SLC7A2: variants seen among roughly 807,000 people sequenced by gnomAD.
SLC7A2 encodes solute carrier family 7 member 2.
In SLC7A2, 48 loss-of-function variants were observed where a neutral mutation model predicts 58.9. That is an observed-to-expected ratio of 0.82 (90% CI 0.65 to 1.04). The LOEUF (loss-of-function observed/expected upper bound fraction) is 1.04. SLC7A2 is among the 50% of genes least tolerant of loss of function. The probability of loss-of-function intolerance (pLI) is 0.00; values close to 1 mark genes in which losing one functional copy is unlikely to be tolerated. For synonymous variants in SLC7A2, 363 were observed against 314.5 expected (o/e 1.15, Z -1.63); for missense variants, 1,029 against 818.8 (o/e 1.26, Z -3.13).
At chr8:17,554,366 G>A (rs1802588221) in intron 7 of SLC7A2, among the ~76,000 whole-genome samples, 194 bp from the exon 8 acceptor site, 1 of 151,598 alleles carries the variant, frequency 6.6e-6, no homozygotes, top group Non-Finnish European at 1.5e-5. Context: ...ATAGCACAAT[G>A]GTAAATATTA....
chr8:17,552,517 CCAAT>C, intron 7 of SLC7A2, among the ~76,000 whole-genome samples: 1 of 151,306 alleles, frequency 6.6e-6, no homozygotes. Context: ...CTTCTTAGCA[CCAAT>C]CAGAGTGAAG....
upstream of SLC7A2, among the ~76,000 whole-genome samples, chr8:17,496,805 G>A (rs1252332221): frequency 1.3e-5 from 2 of 152,146 alleles, no homozygotes; most frequent in African/African-American, 2.4e-5. Flanking sequence ...GGTCCTCCCA[G>A]GAGAGCACGA....
chr8:17,517,801 C>G (rs960964720), intron 2 of SLC7A2, among the ~76,000 whole-genome samples: 1 of 151,958 alleles, frequency 6.6e-6, no homozygotes. Context: ...TTCAAATTTT[C>G]TTTCATCAGC....
chr8:17,544,987 A>G, intron 4 of SLC7A2, among the ~76,000 whole-genome samples: 1 of 152,216 alleles, frequency 6.6e-6, no homozygotes, highest in East Asian at 1.9e-4. Context: ...TGCAATTTCT[A>G]GAAGAATTTC....
intron 8 of SLC7A2, among the ~76,000 whole-genome samples, chr8:17,556,289 T>C (rs114687494): frequency 0.03 from 4,497 of 152,304 alleles, 134 homozygotes; most frequent in South Asian, 0.14. Context: ...AAATTTTCTC[T>C]TTCCGGTAAA....
rs760888772 is a variant in SLC7A2, at chr8:17,565,198, AGTAAACC to A, written c.*57_*63del. 2 of 1,405,732 alleles carry A rather than the reference AGTAAACC, an allele frequency of 1.4e-6. No homozygotes were observed. The highest frequency in any genetic ancestry group is 2.9e-5 in the African/African-American group (2 of 69,852). The allele number at this position is 1,405,732 out of a possible 1,614,324, so 87.1% of individuals were successfully genotyped here. ...GTCTTAGCATACATATCCTACACTG[AGTAAACC>A]GTAACGGGATGTCATCAGCATGCTG... On this transcript the variant is annotated 3_prime_UTR_variant, in exon 13 of 13. Coordinates refer to ENST00000494857, the MANE Select transcript of SLC7A2 (RefSeq NM_001370338.1).
intron 3 of SLC7A2, among the ~76,000 whole-genome samples, chr8:17,543,950 C>T (rs1802043121): frequency 1.3e-5 from 2 of 152,200 alleles, no homozygotes; most frequent in Non-Finnish European, 2.9e-5. Flanking sequence ...CTCGCTGCAA[C>T]CTCTGCCTCC....
Position 17,544,472 on chromosome 8 carries a change from C to T in SLC7A2, c.398C>T (p.Ala133Val), listed in dbSNP as rs753579975. ...GAAGGTACATCAAGTGTTGCAAGAG[C>T]CTGGAGTGGCACCTTTGATGAACTT... is the stretch of plus-strand genomic sequence containing the variant. ...YVIGTSSVARAWSGTFDELLS... is the reference protein window; with the variant it reads ...YVIGTSSVARVWSGTFDELLS... The change falls in exon 4 of 13, where the codon GCC (alanine) becomes GTC (valine). Residue 133 changes from alanine (A) to valine (V), a missense_variant. Ala to Val is a moderately conservative substitution (Grantham distance 64). Coordinates refer to ENST00000494857, the MANE Select transcript of SLC7A2 (RefSeq NM_001370338.1). 1.9e-6 allele frequency: 3 copies of T among 1,613,836 alleles called. No individual in the cohort carries two copies. Among genetic ancestry groups the T allele is most frequent in the Non-Finnish European group, 2.5e-6 (3 of 1,179,922 alleles).
intron 7 of SLC7A2, among the ~76,000 whole-genome samples, chr8:17,553,601 T>C (rs926720759): frequency 1.3e-5 from 2 of 152,078 alleles, no homozygotes; most frequent in Non-Finnish European, 2.9e-5. Context: ...CAAGGCTCGG[T>C]CTCCACAAAA....
At chr8:17,538,833 A>G (rs1398557769) in intron 2 of SLC7A2, 2 of 1,613,626 alleles carry the variant, frequency 1.2e-6, no homozygotes, top group South Asian at 1.1e-5. Flanking sequence ...GAATGAAGAT[A>G]GAAACAAGTG....
chr8:17,565,143 C>G lies in SLC7A2; in HGVS notation c.1974C>G (p.Phe658Leu). 1.2e-6 allele frequency: 2 copies of G among 1,609,560 alleles called. No homozygotes were observed. The highest frequency in any genetic ancestry group is 1.7e-6 in the Non-Finnish European group (2 of 1,176,794). Reference sequence around the variant, plus strand: ...TATTCCATGAAAAGACAAGTGAATTCTAACACTTGCAGGAGCAGAGCTGGT... The same window carrying G: ...TATTCCATGAAAAGACAAGTGAATTGTAACACTTGCAGGAGCAGAGCTGGT... ...PFIFHEKTSE[F>L] Residue 658 changes from phenylalanine (F) to leucine (L), a missense_variant, in exon 13 of 13, where the codon TTC becomes TTG. Transcript: ENST00000494857.
chr8:17,502,903 G>A (rs1800220428), intron 2 of SLC7A2, among the ~76,000 whole-genome samples: 1 of 152,008 alleles, frequency 6.6e-6, no homozygotes, highest in East Asian at 1.9e-4. Flanking sequence ...GGTGCTGGGT[G>A]CATGTTCATT....
rs138576266 is a variant in SLC7A2, at chr8:17,540,249, T to C, written c.-22-3069T>C. Among the ~76,000 whole-genome samples the C allele has an allele frequency of 1.7e-3, 253 of 152,306 alleles. 2 individuals carry two copies. The highest frequency in any genetic ancestry group is 5.8e-3 in the African/African-American group (243 of 41,562). On this transcript the variant is annotated intron_variant, in intron 2 of 12. Transcript: ENST00000494857. ...ATAGTCCTACAAAATTAGTTCTGCA[T>C]TGTGGCTTTTGCAATCCGTATTTTA... is the stretch of plus-strand genomic sequence containing the variant.
chr8:17,548,246 T>A (rs1206831390), intron 4 of SLC7A2, among the ~76,000 whole-genome samples: 1 of 151,944 alleles, frequency 6.6e-6, no homozygotes, highest in Non-Finnish European at 1.5e-5. Context: ...GTGGCTGAGG[T>A]GAGAGAATTG....
intron 1 of SLC7A2, chr8:17,498,595 C>G (rs1345511296): frequency 2.6e-5 from 4 of 152,290 alleles, no homozygotes; most frequent in African/African-American, 9.6e-5. Context: ...CTCTGGGAGG[C>G]CACTTTATTG....
chr8:17,562,178 G>GTT, intron 11 of SLC7A2, 68 bp downstream of exon 11: 1 of 478,210 alleles, frequency 2.1e-6, no homozygotes, highest in South Asian at 4.3e-5. Flanking sequence ...AGTTTGGTAA[G>GTT]TATTTTTTTT....
intron 2 of SLC7A2, among the ~76,000 whole-genome samples, chr8:17,523,995 T>C (rs2588221): frequency 0.53 from 81,159 of 151,886 alleles, 22,111 homozygotes; most frequent in Middle Eastern, 0.6. Context: ...AACAAGCATA[T>C]GGAAAAATGT....
chr8:17,494,573 A>G (rs1443011094), upstream of SLC7A2, among the ~76,000 whole-genome samples: 1 of 152,236 alleles, frequency 6.6e-6, no homozygotes, highest in Non-Finnish European at 1.5e-5. Flanking sequence ...GCAAATGAAG[A>G]TGAAGTCAAA....
chr8:17,509,215 A>C (rs1015783853), intron 2 of SLC7A2, among the ~76,000 whole-genome samples: 1 of 152,218 alleles, frequency 6.6e-6, no homozygotes. Context: ...ATAATCTGAA[A>C]TCTAACTTTG....
Sources: gnomAD v4.1 joint callset for allele counts (sites outside exome capture counted in the v4.1 genomes callset) on GRCh38, gnomAD v4.1.1 for gene constraint, MANE v1.5 for transcripts, NCBI Gene and HGNC (gene_info 2026-07-23, HGNC 2026-07-21) for gene names.